The following VRTN variants were observed in gnomAD, a reference collection of about 807,000 sequenced individuals.
VRTN encodes vertebrae development associated, also known as vertnin.
In VRTN, 5 loss-of-function variants were observed where a neutral mutation model predicts 18.2. The ratio of observed to expected loss-of-function variants is 0.27; its 90% CI spans 0.14 to 0.58. The LOEUF is 0.58. Among genes scored for constraint, VRTN ranks in the 20% least tolerant of loss-of-function variants. VRTN has a pLI of 0.91. For missense variants in VRTN, 741 were observed against 939.4 expected, an observed-to-expected ratio of 0.79 and a Z score of 2.76; for synonymous variants, 381 against 393.7, an observed-to-expected ratio of 0.97 and a Z score of 0.38.
rs564755669 is a variant in VRTN, at chr14:74,313,836, A to T, written c.-164+10660A>T. On this transcript the variant is annotated intron_variant, in intron 1 of 2. Coordinates refer to the VRTN transcript ENST00000557177. ...TTGCTACAAAACAAAAACAAAAATT[A>T]GCTGGGTGTGGTGGTGCAAGCTGTA... Among the ~76,000 whole-genome samples the T allele has an allele frequency of 7.4e-3, 1,121 of 152,298 alleles. 8 individuals are homozygous for T. Among genetic ancestry groups the T allele is most frequent in the African/African-American group, 0.026 (1,090 of 41,554 alleles).
At position 74,358,681 on chromosome 14, in the gene VRTN, C is replaced by G; in HGVS notation, c.1898C>G (p.Ala633Gly). 2 of 1,613,268 alleles carry G rather than the reference C, an allele frequency of 1.2e-6. No homozygotes were observed. ...PLLSQPVVAA[A>G]GGRDGRMLVM... Reference sequence around the variant, plus strand: ...CTGAGCCAACCTGTGGTGGCAGCAGCGGGTGGCAGGGATGGCCGGATGCTG... The same window carrying G: ...CTGAGCCAACCTGTGGTGGCAGCAGGGGGTGGCAGGGATGGCCGGATGCTG... The change falls in exon 2 of 2, where the codon GCG (alanine) becomes GGG (glycine). Residue 633 changes from alanine (A) to glycine (G), a missense_variant. Physicochemically the swap from Ala to Gly is moderately conservative, Grantham distance 60. This residue lies in a region of VRTN where 61 missense variants were observed against 104.6 expected (regional missense o/e 0.58). Coordinates refer to ENST00000256362, the MANE Select transcript of VRTN (RefSeq NM_018228.3). This position sits in a 1 kb window ranked among gnomAD's most constrained non-coding sequence, Gnocchi z 5.4.
chr14:74,322,724 C>T (rs2085464307), intron 1 of VRTN, among the ~76,000 whole-genome samples: 1 of 152,198 alleles, frequency 6.6e-6, no homozygotes, highest in Non-Finnish European at 1.5e-5. Flanking sequence ...AACAGAAGCT[C>T]CTCAAAGTCT....
intron 1 of VRTN, among the ~76,000 whole-genome samples, chr14:74,307,213 C>T (rs937902580): frequency 6.1e-5 from 9 of 147,350 alleles, no homozygotes; most frequent in Non-Finnish European, 1.2e-4. Context: ...CACTGCAACC[C>T]CTGCCTCCCA....
At chr14:74,355,141 CAAAAA>C (rs34077833) in intron 1 of VRTN, among the ~76,000 whole-genome samples, 7 of 108,596 alleles carry the variant, frequency 6.4e-5, no homozygotes, top group Admixed American at 9.5e-5. Context: ...GACTCAGTCT[CAAAAA>C]AAAAAAAAAA....
At chr14:74,329,689 C>T (rs188488848) in intron 1 of VRTN, among the ~76,000 whole-genome samples, 379 of 151,402 alleles carry the variant, frequency 2.5e-3, no homozygotes, top group African/African-American at 8.6e-3. Flanking sequence ...AGCGATTCTC[C>T]TGCCTCAGCC....
At chr14:74,321,738 A>C (rs1427618592) in intron 1 of VRTN, among the ~76,000 whole-genome samples, 1 of 152,134 alleles carries the variant, frequency 6.6e-6, no homozygotes, top group African/African-American at 2.4e-5. Flanking sequence ...TCCTGACCTC[A>C]GGTGATTCAC....
At chr14:74,331,544 T>TTTTATATATATATATA (rs1287566275) in intron 1 of VRTN, among the ~76,000 whole-genome samples, 1 of 43,448 alleles carries the variant, frequency 2.3e-5, no homozygotes, top group African/African-American at 6.5e-5. Flanking sequence ...AAAAAAAATT[T>TTTTATATATATATATA]TATATATATA....
Position 74,356,794 on chromosome 14 carries a change from G to A in VRTN, c.11G>A (p.Arg4Gln), listed in dbSNP as rs763553657. MTS[R>Q]NQLVQKVLQE... is the part of the protein sequence containing the mutation. The stretch of plus-strand genomic sequence containing the variant: ...TTTTGCCCTGGCAGGATGACTTCTC[G>A]GAACCAGCTGGTGCAGAAGGTGCTG... The change falls in exon 2 of 2, where the codon CGG (arginine) becomes CAG (glutamine). Residue 4 changes from arginine to glutamine, a missense_variant. Physicochemically the swap from Arg to Gln is conservative, Grantham distance 43. Transcript: ENST00000256362. 5 of 1,589,820 alleles carry A rather than the reference G, an allele frequency of 3.1e-6. No homozygotes were observed. The highest frequency in any genetic ancestry group is 2.2e-5 in the South Asian group (2 of 89,282).
At chr14:74,355,220 T>C (rs1030330690) in intron 1 of VRTN, among the ~76,000 whole-genome samples, 4 of 152,174 alleles carry the variant, frequency 2.6e-5, no homozygotes, top group Non-Finnish European at 5.9e-5. Flanking sequence ...TGATAAGTTT[T>C]TATGGGCAGC....
chr14:74,330,441 C>CTTTT (rs34686412), intron 1 of VRTN, among the ~76,000 whole-genome samples: 1 of 138,012 alleles, frequency 7.2e-6, no homozygotes, highest in African/African-American at 2.7e-5. Flanking sequence ...CAGTATCAAA[C>CTTTT]TTTTTTTTTT....
chr14:74,306,178 T>TC (rs1567036747), intron 1 of VRTN: 1 of 134,548 alleles, frequency 7.4e-6, no homozygotes, highest in Non-Finnish European at 1.6e-5. Context: ...ATATATTTTT[T>TC]TTTTTTTTTT....
chr14:74,351,970 A>G (rs916441915), intron 1 of VRTN, among the ~76,000 whole-genome samples: 4 of 151,712 alleles, frequency 2.6e-5, no homozygotes, highest in African/African-American at 9.7e-5. Context: ...CAGCCTCCCG[A>G]GTAGCTGGGA....
At chr14:74,349,903 A>G (rs1826869273) in intron 1 of VRTN, among the ~76,000 whole-genome samples, 1 of 152,076 alleles carries the variant, frequency 6.6e-6, no homozygotes, top group Non-Finnish European at 1.5e-5. Context: ...ATCTCAGGCA[A>G]GAGGAGGGGA....
chr14:74,304,524 T>A (rs1459567230), intron 1 of VRTN, among the ~76,000 whole-genome samples: 1 of 152,184 alleles, frequency 6.6e-6, no homozygotes, highest in Non-Finnish European at 1.5e-5. Context: ...TTGGCGCCAT[T>A]AAGTTTTGGG....
At chr14:74,345,391 G>A (rs1274783034), upstream of VRTN, among the ~76,000 whole-genome samples, 21 of 114,004 alleles carry the variant, frequency 1.8e-4, no homozygotes, top group African/African-American at 6.4e-4. Context: ...TCACTCTATC[G>A]CCCAGGCTGG....
chr14:74,305,478 G>A, intron 1 of VRTN: 1 of 206,160 alleles, frequency 4.9e-6, no homozygotes, highest in Non-Finnish European at 1.1e-5. Context: ...GGTTCTGACA[G>A]TGATGTTGAC....
intron 1 of VRTN, among the ~76,000 whole-genome samples, chr14:74,318,760 G>T (rs931262508): frequency 1.4e-5 from 2 of 142,086 alleles, no homozygotes; most frequent in African/African-American, 5.3e-5. Flanking sequence ...GTTGCTCAGG[G>T]TGGAGTGCAA....
At chr14:74,331,544 T>TTTTATATATA (rs1287566275) in intron 1 of VRTN, among the ~76,000 whole-genome samples, 4 of 43,480 alleles carry the variant, frequency 9.2e-5, no homozygotes, top group African/African-American at 2.6e-4. Context: ...AAAAAAAATT[T>TTTTATATATA]TATATATATA....
At chr14:74,347,174 G>A (rs2085649022), upstream of VRTN, among the ~76,000 whole-genome samples, 1 of 152,152 alleles carries the variant, frequency 6.6e-6, no homozygotes, top group African/African-American at 2.4e-5. Flanking sequence ...ATGACTCTCT[G>A]GGGTAGATGC....
Sources: allele counts gnomAD v4.1 joint callset (sites outside exome capture counted in the v4.1 genomes callset), GRCh38; gene constraint gnomAD v4.1.1; regional missense constraint gnomAD v4.1.1; non-coding constraint Gnocchi (gnomAD v3.1); transcripts MANE v1.5; gene names NCBI Gene and HGNC (gene_info 2026-07-23, HGNC 2026-07-21).